UNC13D: variants seen among roughly 807,000 people sequenced by gnomAD.
UNC13D encodes unc-13 homolog D.
A neutral mutation model predicts 151.7 loss-of-function variants in UNC13D; 115 were observed. The ratio of observed to expected loss-of-function variants is 0.76; its 90% CI spans 0.65 to 0.88. The LOEUF (loss-of-function observed/expected upper bound fraction) is 0.88. Among genes scored for constraint, UNC13D ranks in the 40% least tolerant of loss-of-function variants. The pLI is 0.00. For missense variants in UNC13D, 1,369 were observed against 1,438.7 expected, an observed-to-expected ratio of 0.95 and a Z score of 0.78; for synonymous variants, 588 against 612.2, an observed-to-expected ratio of 0.96 and a Z score of 0.58.
chr17:75,831,030 G>T, intron 27 of UNC13D, 68 bp downstream of exon 27: 1 of 1,578,092 alleles, frequency 6.3e-7, no homozygotes. Flanking sequence ...GCCGACCCTG[G>T]ACATAGGTGA....
At position 75,833,016 on chromosome 17, in the gene UNC13D, C is replaced by G. The variant is rs377249127; in HGVS notation, c.2397G>C (p.Glu799Asp). Reference protein sequence around the residue: ...DAILPLMKFLEVELCYMNTNL... With the variant: ...DAILPLMKFLDVELCYMNTNL... ...TGGTGTTCATGTAGCAAAGCTCCACCTCCAGGAACTTCATCAGGGGCAGAA... is the reference window on the plus strand; with the variant it reads ...TGGTGTTCATGTAGCAAAGCTCCACGTCCAGGAACTTCATCAGGGGCAGAA... The change falls in exon 25 of 32, where the codon GAG becomes GAC. Residue 799 changes from glutamate (E) to aspartate (D), a missense_variant. Transcript: ENST00000207549. The surrounding 1 kb of genome is among the most constrained non-coding windows in gnomAD (Gnocchi z 4.0). 4 of 1,605,174 alleles carry G rather than the reference C, an allele frequency of 2.5e-6. No individual in the cohort carries two copies. Among genetic ancestry groups the G allele is most frequent in the Middle Eastern group, 1.7e-4 (1 of 5,958 alleles).
chr17:75,830,621 C>A lies in UNC13D; in HGVS notation c.2666G>T (p.Arg889Leu), dbSNP rs371000216. 4 of 1,557,532 alleles carry A rather than the reference C, an allele frequency of 2.6e-6. No homozygotes were observed. Among genetic ancestry groups the A allele is most frequent in the East Asian group, 4.8e-5 (2 of 41,322 alleles). Residue 889 changes from arginine to leucine, a missense_variant, in exon 28 of 32, where the codon CGG becomes CTG. Arg to Leu is a moderately radical substitution (Grantham distance 102, BLOSUM62 -2). This residue lies in a region of UNC13D where 807 missense variants were observed against 795.5 expected (regional missense o/e 1.01). Coordinates refer to ENST00000207549, the MANE Select transcript of UNC13D (RefSeq NM_199242.3). ...GCAGAAGTACTTCCGGATGAGTTCC[C>A]GGCTGGAGGCCGCCTGCAGCTCCAG... ...RDLELQAASSRELIRKYFCSR... is the reference protein window; with the variant it reads ...RDLELQAASSLELIRKYFCSR...
Position 75,831,001 on chromosome 17 carries a change from G to A in UNC13D, c.2625+97C>T. The A allele has an allele frequency of 2.8e-6, 4 of 1,408,038 alleles. No homozygotes were observed. The South Asian group carries it at 4.8e-5, about 17-fold the overall frequency. The allele number at this position is 1,408,038 out of a possible 1,614,324, so 87.2% of individuals were successfully genotyped here. On this transcript the variant is annotated intron_variant, in intron 27 of 31. Coordinates refer to ENST00000207549, the MANE Select transcript of UNC13D (RefSeq NM_199242.3). ...GGGGCCCAGTTTTTCATTTTGTACT[G>A]GGCCCCATAAATTATGTAGCCGACC...
intron 12 of UNC13D, among the ~76,000 whole-genome samples, 161 bp from the exon 13 acceptor site, chr17:75,837,079 T>A (rs988647172): frequency 6.6e-6 from 1 of 151,386 alleles, no homozygotes; most frequent in Non-Finnish European, 1.5e-5. Context: ...TGTGTTTTTT[T>A]TTTTGAGATG....
intron 30 of UNC13D, among the ~76,000 whole-genome samples, chr17:75,829,489 T>A (rs1175281786): frequency 6.6e-6 from 1 of 151,850 alleles, no homozygotes; most frequent in Non-Finnish European, 1.5e-5. Context: ...GAGACGGGGT[T>A]TCACCATGTT....
chr17:75,834,411 G>A lies in UNC13D; in HGVS notation c.2212C>T (p.Gln738Ter), dbSNP rs764507196. The change falls in exon 23 of 32, where the codon CAG becomes TAG. Residue 738 changes from glutamine to a stop codon, truncating the protein, a stop_gained. Transcript: ENST00000207549. LOFTEE classifies it high-confidence loss of function. ...VGAVLEQGQLQNTLHAQLQSA... is the reference protein window; with the variant it reads ...VGAVLEQGQL ...TGCAGCTGGGCATGCAGCGTGTTCT[G>A]CAGCTGCCCCTGCTCCAGCACGGCC... The A allele has an allele frequency of 1.9e-6, 3 of 1,581,694 alleles. No homozygotes were observed. Among genetic ancestry groups the A allele is most frequent in the Admixed American group, 1.8e-5 (1 of 57,030 alleles).
At chr17:75,836,494 A>G in intron 14 of UNC13D, 65 bp from the exon 15 acceptor site, 1 of 1,612,350 alleles carries the variant, frequency 6.2e-7, no homozygotes, top group Non-Finnish European at 8.5e-7. Context: ...CTCCTCCAAC[A>G]ATTCTCCCAC....
chr17:75,829,595 C>CTTTTTTTTTTTTTTTTTTT (rs140737868), intron 30 of UNC13D: 1 of 96,046 alleles, frequency 1.0e-5, no homozygotes, highest in Non-Finnish European at 1.9e-5. Context: ...GCCTGGCCCT[C>CTTTTTTTTTTTTTTTTTTT]TTTTTTTTTT....
Position 75,844,343 on chromosome 17 carries a change from C to T in UNC13D, c.-6G>A. ...TGGGAGAGGAGTGTCGCCATGGTGG[C>T]CTTCTCTGCCCTTCCCTGTCCGCTG... On this transcript the variant is annotated 5_prime_UTR_variant, in exon 1 of 32. Coordinates refer to ENST00000207549, the MANE Select transcript of UNC13D (RefSeq NM_199242.3). 6.2e-7 allele frequency: 1 copy of T among 1,603,984 alleles called. No individual in the cohort carries two copies. The highest frequency in any genetic ancestry group is 8.5e-7 in the Non-Finnish European group (1 of 1,176,272).
intron 14 of UNC13D, 34 bp from the exon 15 acceptor site, chr17:75,836,463 TG>T (rs779277162): frequency 6.2e-7 from 1 of 1,612,020 alleles, no homozygotes; most frequent in South Asian, 1.1e-5. Context: ...CGAAAGTGCC[TG>T]CTGCCCCACA....
At position 75,828,825 on chromosome 17, in the gene UNC13D, G is replaced by A; in HGVS notation, c.3113C>T (p.Pro1038Leu). Residue 1038 changes from proline (P) to leucine (L), a missense_variant, in exon 31 of 32, where the codon CCT becomes CTT. Around this residue, in one of 3 missense-constraint regions of UNC13D, gnomAD observed 807 missense variants for 795.5 expected, o/e 1.01. Coordinates refer to ENST00000207549, the MANE Select transcript of UNC13D (RefSeq NM_199242.3). ...GTACGTGAGGGGCAGGCGGGTCTGA[G>A]GCACCTCACCAGGCTCCTCAGAGCC... is the stretch of plus-strand genomic sequence containing the variant. Reference protein sequence around the residue: ...LSGSEEPGEVPQTRLPLTYPA... With the variant: ...LSGSEEPGEVLQTRLPLTYPA... 1.3e-6 allele frequency: 2 copies of A among 1,566,034 alleles called. No individual in the cohort carries two copies. Among genetic ancestry groups the A allele is most frequent in the Middle Eastern group, 1.9e-4 (1 of 5,258 alleles).
At chr17:75,829,484 G>C (rs374025461) in intron 30 of UNC13D, among the ~76,000 whole-genome samples, 2 of 151,550 alleles carry the variant, frequency 1.3e-5, no homozygotes, top group African/African-American at 4.9e-5. Flanking sequence ...TAGTAGAGAC[G>C]GGGTTTCACC....
At chr17:75,828,689 GA>G (rs1289192849) in intron 31 of UNC13D, 97 bp downstream of exon 31, 1 of 1,327,844 alleles carries the variant, frequency 7.5e-7, no homozygotes, top group Non-Finnish European at 9.8e-7. Context: ...CGTCTCCAGG[GA>G]AGCTGTTCTC....
chr17:75,828,888 TCGCCTTCCAGGTCGTCGGCCC>T lies in UNC13D; in HGVS notation c.3029_3049del (p.Gly1010_Gly1016del). ...CACCTCACGCAGCGGCAGGAAGGCC[TCGCCTTCCAGGTCGTCGGCCC>T]CCAGCGTGTCGTAGTCCAGCACGGT... On this transcript the variant is annotated inframe_deletion, in exon 31 of 32. Coordinates refer to ENST00000207549, the MANE Select transcript of UNC13D (RefSeq NM_199242.3). 1 of 1,605,228 alleles carries T rather than the reference TCGCCTTCCAGGTCGTCGGCCC, an allele frequency of 6.2e-7. No individual in the cohort carries two copies. Among genetic ancestry groups the T allele is most frequent in the Non-Finnish European group, 8.5e-7 (1 of 1,178,786 alleles).
Position 75,832,100 on chromosome 17 carries a change from G to A in UNC13D, c.2448-752C>T, listed in dbSNP as rs533026342. 3 of 152,472 alleles carry A rather than the reference G, an allele frequency of 2.0e-5. No homozygotes were observed. Among genetic ancestry groups the A allele is most frequent in the African/African-American group, 7.2e-5 (3 of 41,564 alleles). The allele number at this position is 152,472 out of a possible 1,614,324, so 9.4% of individuals were successfully genotyped here. ...CCACTGCACTCCAGCCTGGGCGACAGAGCGAGACTCCGTCTCAAAAAAATA... is the reference window on the plus strand; with the variant it reads ...CCACTGCACTCCAGCCTGGGCGACAAAGCGAGACTCCGTCTCAAAAAAATA... On this transcript the variant is annotated intron_variant, in intron 25 of 31. Transcript: ENST00000207549. The surrounding 1 kb of genome is among the most constrained non-coding windows in gnomAD (Gnocchi z 4.3).
rs1308625221 is a variant in UNC13D at position 75,840,252 on chromosome 17, G to A, written c.831C>T (p.His277=). The change falls in exon 10 of 32, where the codon CAC becomes CAT. Residue 277 remains histidine, a synonymous_variant. Coordinates refer to ENST00000207549, the MANE Select transcript of UNC13D (RefSeq NM_199242.3). The surrounding 1 kb of genome is among the most constrained non-coding windows in gnomAD (Gnocchi z 4.6). ...TETYPDRGQC[H]LQFQLIHKRR... Reference sequence around the variant, plus strand: ...GCTTATGGATGAGTTGGAACTGGAGGTGGCACTGGCCTCGGTCTGGGTAGG... The same window carrying A: ...GCTTATGGATGAGTTGGAACTGGAGATGGCACTGGCCTCGGTCTGGGTAGG... 6.2e-7 allele frequency: 1 copy of A among 1,614,048 alleles called. No individual in the cohort carries two copies. Among genetic ancestry groups the A allele is most frequent in the East Asian group, 2.2e-5 (1 of 44,882 alleles).
chr17:75,841,694 G>A (rs1435121706), intron 6 of UNC13D, among the ~76,000 whole-genome samples: 14 of 147,236 alleles, frequency 9.5e-5, no homozygotes, highest in African/African-American at 2.8e-4. Flanking sequence ...CACCTGCCTC[G>A]GCCTCCCAAA....
chr17:75,842,693 G>A, intron 5 of UNC13D, 80 bp from the exon 6 acceptor site: 3 of 1,605,262 alleles, frequency 1.9e-6, no homozygotes, highest in Middle Eastern at 1.9e-4. Context: ...CCCGCCCGGG[G>A]CTGAGCCTCC....
At position 75,833,043 on chromosome 17, in the gene UNC13D, G is replaced by A. The variant is rs747428323; in HGVS notation, c.2370C>T (p.Ala790=). The A allele has an allele frequency of 1.7e-5, 28 of 1,604,168 alleles. No individual in the cohort carries two copies. The Middle Eastern group carries it at 7.0e-4, about 40-fold the overall frequency. The change falls in exon 25 of 32, where the codon GCC becomes GCT. Residue 790 remains alanine, a splice_region_variant and synonymous_variant. Transcript: ENST00000207549. This position sits in a 1 kb window ranked among gnomAD's most constrained non-coding sequence, Gnocchi z 4.0. The stretch of plus-strand genomic sequence containing the variant: ...CCAGGAACTTCATCAGGGGCAGAAT[G>A]GCCTGGGGAGGGAGATGGGGAGCAG... ...GVRESVLPED[A]ILPLMKFLEV...
Sources: allele counts gnomAD v4.1 joint callset (sites outside exome capture counted in the v4.1 genomes callset), GRCh38; gene constraint gnomAD v4.1.1; regional missense constraint gnomAD v4.1.1; non-coding constraint Gnocchi (gnomAD v3.1); transcripts MANE v1.5; gene names NCBI Gene and HGNC (gene_info 2026-07-23, HGNC 2026-07-21).